HEATR1: variants seen among roughly 807,000 people sequenced by gnomAD.
The protein encoded by HEATR1 is HEAT repeat containing 1.
HEATR1 carries 77 observed loss-of-function variants against 248.2 expected under a neutral mutation model. That is an observed-to-expected ratio of 0.31 (90% CI 0.26 to 0.37). The LOEUF is 0.37. Among genes scored for constraint, HEATR1 ranks in the 10% least tolerant of loss-of-function variants. The probability of loss-of-function intolerance (pLI) is 1.00; values close to 1 mark genes in which losing one functional copy is unlikely to be tolerated. For synonymous variants in HEATR1, 897 were observed against 923.1 expected (o/e 0.97, Z 0.51); for missense variants, 2,420 against 2,504.9 (o/e 0.97, Z 0.72).
At chr1:236,582,961 C>A in intron 18 of HEATR1, 52 bp downstream of exon 18, 1 of 1,604,742 alleles carries the variant, frequency 6.2e-7, no homozygotes, top group South Asian at 1.1e-5. Context: ...TGGAGTCAAT[C>A]ATTCAGTTTT....
intron 35 of HEATR1, 64 bp downstream of exon 35, chr1:236,558,931 G>T: frequency 7.2e-7 from 1 of 1,395,454 alleles, no homozygotes. Flanking sequence ...ATTGAAGGGA[G>T]TTAAATGCAG....
chr1:236,561,518 A>G (rs1210477052), intron 32 of HEATR1, among the ~76,000 whole-genome samples: 1 of 152,236 alleles, frequency 6.6e-6, no homozygotes, highest in Non-Finnish European at 1.5e-5. Context: ...AAAATACAGC[A>G]ATCAACACTC....
At chr1:236,554,178 G>C (rs547861374) in intron 42 of HEATR1, among the ~76,000 whole-genome samples, 9 of 152,296 alleles carry the variant, frequency 5.9e-5, no homozygotes, top group African/African-American at 1.9e-4. Flanking sequence ...GATCACTTGA[G>C]GTCAGGAGTT....
intron 20 of HEATR1, 68 bp downstream of exon 20, chr1:236,581,154 A>T (rs1416870695): frequency 1.5e-6 from 2 of 1,350,638 alleles, no homozygotes; most frequent in Non-Finnish European, 2.1e-6. Context: ...TTTCCAAACT[A>T]CATAAACCAT....
intron 14 of HEATR1, 65 bp from the exon 15 acceptor site, chr1:236,586,517 C>A: frequency 3.9e-6 from 4 of 1,035,500 alleles, no homozygotes; most frequent in Non-Finnish European, 4.5e-6. Flanking sequence ...GGCAAAAATT[C>A]ATCATTACAT....
At chr1:236,559,585 A>G in intron 34 of HEATR1, 129 bp downstream of exon 34, 1 of 1,173,474 alleles carries the variant, frequency 8.5e-7, no homozygotes, top group Non-Finnish European at 1.2e-6. Context: ...TTGTTTTCTA[A>G]GAAAAATCTG....
At chr1:236,576,081 C>G in intron 22 of HEATR1, 138 bp downstream of exon 22, 1 of 551,084 alleles carries the variant, frequency 1.8e-6, no homozygotes, top group Non-Finnish European at 3.0e-6. Context: ...AACTCATCCC[C>G]CTCTCAAATT....
intron 20 of HEATR1, among the ~76,000 whole-genome samples, chr1:236,578,029 T>C (rs1302389743): frequency 2.0e-5 from 3 of 152,200 alleles, no homozygotes; most frequent in South Asian, 2.1e-4. Context: ...AGAGAAATGT[T>C]AGAGTCAAGT....
At position 236,557,235 on chromosome 1, in the gene HEATR1, G is replaced by A. The variant is rs185953741; in HGVS notation, c.5315C>T (p.Pro1772Leu). 6.9e-4 allele frequency: 1,116 copies of A among 1,614,084 alleles called. 7 individuals are homozygous for A. In the East Asian group the frequency reaches 0.013, roughly 19 times the overall value. The part of the protein sequence containing the change: ...AALQKVVETL[P>L]HFISPYLEGI... ...TTCCAGATAGGGGCTGATGAAGTGCGGGAGAGTCTCCACAACCTTCTGCAG... is the reference window on the plus strand; with the variant it reads ...TTCCAGATAGGGGCTGATGAAGTGCAGGAGAGTCTCCACAACCTTCTGCAG... Residue 1772 changes from proline (P) to leucine (L), a missense_variant, in exon 37 of 45, where the codon CCG becomes CTG. Transcript: ENST00000366582.
At chr1:236,558,070 G>C (rs2759007) in intron 36 of HEATR1, among the ~76,000 whole-genome samples, 167 bp downstream of exon 36, 112,120 of 152,006 alleles carry the variant, frequency 0.74, 41,570 homozygotes, top group Admixed American at 0.77. Flanking sequence ...TCCCAAAGTG[G>C]TGGGATCACA....
intron 6 of HEATR1, among the ~76,000 whole-genome samples, chr1:236,596,582 C>T (rs1664182168): frequency 2.0e-5 from 3 of 152,194 alleles, no homozygotes; most frequent in Admixed American, 2.0e-4. Flanking sequence ...GGTACAAAGA[C>T]TGCTATGGAA....
In HEATR1 at chr1:236,586,465, C is replaced by A. The variant is rs779544403; in HGVS notation, c.1716-13G>T. 6.3e-7 allele frequency: 1 copy of A among 1,577,358 alleles called. No individual in the cohort carries two copies. The highest frequency in any genetic ancestry group is 1.7e-5 in the Admixed American group (1 of 59,568). On this transcript the variant is annotated splice_polypyrimidine_tract_variant and intron_variant, in intron 14 of 44. Transcript: ENST00000366582. Reference sequence around the variant, plus strand: ...AAGTACCTCGTACCTAAAAGACATGCAAGCACACTTGGTTGAAAGACACAT... The same window carrying A: ...AAGTACCTCGTACCTAAAAGACATGAAAGCACACTTGGTTGAAAGACACAT...
At chr1:236,596,609 G>C (rs1346869351) in intron 6 of HEATR1, among the ~76,000 whole-genome samples, 1 of 152,196 alleles carries the variant, frequency 6.6e-6, no homozygotes, top group African/African-American at 2.4e-5. Flanking sequence ...CTAGGAGATG[G>C]CCGCAGGACC....
rs1204860853 is a variant in HEATR1 at position 236,555,897 on chromosome 1, C to T, written c.5557G>A (p.Gly1853Arg). Residue 1853 changes from glycine (G) to arginine (R), a missense_variant, in exon 39 of 45, where the codon GGG becomes AGG. Coordinates refer to ENST00000366582, the MANE Select transcript of HEATR1 (RefSeq NM_018072.6). ...GTGAGCTCTTCCTTCTTCATCACCCCAATATGCTCTTGCAAGATGCTCATA... is the reference window on the plus strand; with the variant it reads ...GTGAGCTCTTCCTTCTTCATCACCCTAATATGCTCTTGCAAGATGCTCATA... ...PFMSILQEHI[G>R]VMKKEELTSH... The T allele has an allele frequency of 2.0e-5, 32 of 1,613,498 alleles. No individual in the cohort carries two copies. Among genetic ancestry groups the T allele is most frequent in the Non-Finnish European group, 2.7e-5 (32 of 1,179,498 alleles).
Position 236,585,088 on chromosome 1 carries a change from C to A in HEATR1, c.2178G>T (p.Ala726=), listed in dbSNP as rs773577939. The part of the protein sequence containing the change: ...SSLKETHFPF[A]IRVFSLLQKK... ...TCTGCAACAAACTGAAGACTCTTAT[C>A]GCAAATGGAAAGTGGGTTTCTTTTA... The change falls in exon 17 of 45, where the codon GCG becomes GCT. Residue 726 remains alanine (A), a synonymous_variant. Coordinates refer to ENST00000366582, the MANE Select transcript of HEATR1 (RefSeq NM_018072.6). The A allele has an allele frequency of 2.5e-6, 4 of 1,613,926 alleles. No individual in the cohort carries two copies. Among genetic ancestry groups the A allele is most frequent in the Non-Finnish European group, 2.5e-6 (3 of 1,179,890 alleles).
chr1:236,582,911 C>T (rs1663790630), intron 18 of HEATR1, 39 bp from the exon 19 acceptor site: 1 of 1,610,468 alleles, frequency 6.2e-7, no homozygotes, highest in Non-Finnish European at 8.5e-7. Context: ...CTAGATCCTA[C>T]ATGAACATGC....
In HEATR1 at chr1:236,554,637, T is replaced by C. The variant is rs1249785474; in HGVS notation, c.6039A>G (p.Lys2013=). The C allele has an allele frequency of 3.1e-6, 5 of 1,613,094 alleles. No homozygotes were observed. The South Asian group carries it at 5.5e-5, about 18-fold the overall frequency. ...GCATCATCAAGGCTTCTGCTCTCTC[T>C]TTACTTATAAAATGCTGGGTATCAA... is the stretch of plus-strand genomic sequence containing the variant. ...FLFDTQHFIS[K]ERAEALMMPL... is the part of the protein sequence containing the mutation. The change falls in exon 42 of 45, where the codon AAA becomes AAG. Residue 2013 remains lysine, a synonymous_variant. Coordinates refer to ENST00000366582, the MANE Select transcript of HEATR1 (RefSeq NM_018072.6).
At position 236,571,560 on chromosome 1, in the gene HEATR1, G is replaced by A. The variant is rs369311521; in HGVS notation, c.3826+8C>T. On this transcript the variant is annotated splice_region_variant and intron_variant, in intron 27 of 44. Transcript: ENST00000366582. Reference sequence around the variant, plus strand: ...TTTTTCTAACCTTTCCTTCCAAAAAGTACCTACCTTTGGGTATTTTGCCAC... The same window carrying A: ...TTTTTCTAACCTTTCCTTCCAAAAAATACCTACCTTTGGGTATTTTGCCAC... 48 of 1,612,968 alleles carry A rather than the reference G, an allele frequency of 3.0e-5. No individual in the cohort carries two copies. Among genetic ancestry groups the A allele is most frequent in the Non-Finnish European group, 4.2e-6 (5 of 1,179,438 alleles).
At position 236,581,228 on chromosome 1, in the gene HEATR1, A is replaced by G. The variant is rs940469809; in HGVS notation, c.2749T>C (p.Ser917Pro). ...ACAATGCTACTTTTAATACCTGGAGAAGATATGGATGCCAGTTGGTGTTTA... is the reference window on the plus strand; with the variant it reads ...ACAATGCTACTTTTAATACCTGGAGGAGATATGGATGCCAGTTGGTGTTTA... ...QCKHQLASISSPVVTSLLINL... is the reference protein window; with the variant it reads ...QCKHQLASISPPVVTSLLINL... Residue 917 changes from serine to proline, a missense_variant, in exon 20 of 45, where the codon TCT becomes CCT. Physicochemically the swap from Ser to Pro is moderately conservative, Grantham distance 74 (BLOSUM62 -1). Transcript: ENST00000366582. The G allele has an allele frequency of 1.2e-6, 2 of 1,611,378 alleles. No individual in the cohort carries two copies. The highest frequency in any genetic ancestry group is 1.7e-6 in the Non-Finnish European group (2 of 1,177,914).
Sources: allele counts gnomAD v4.1 joint callset (sites outside exome capture counted in the v4.1 genomes callset), GRCh38; gene constraint gnomAD v4.1.1; transcripts MANE v1.5; gene names NCBI Gene and HGNC (gene_info 2026-07-23, HGNC 2026-07-21).